Variants in DDAH1 observed in about 807,000 individuals in gnomAD.
DDAH1 encodes dimethylarginine dimethylaminohydrolase 1, also known as N(G),N(G)-dimethylarginine dimethylaminohydrolase 1.
In DDAH1, 19 loss-of-function variants were observed where a neutral mutation model predicts 28.8. The ratio of observed to expected loss-of-function variants is 0.66; its 90% confidence interval spans 0.46 to 0.97. The LOEUF (loss-of-function observed/expected upper bound fraction) is 0.97, where lower values mean the gene tolerates loss of function less well. Ranked by LOEUF, DDAH1 falls within the 50% of genes least tolerant of loss-of-function variation. The pLI is 0.00. For synonymous variants in DDAH1, 153 were observed against 154.4 expected, an observed-to-expected ratio of 0.99 and a Z score of 0.07; for missense variants, 326 against 375.9, an observed-to-expected ratio of 0.87 and a Z score of 1.10.
rs537574630 is a variant in DDAH1, at chr1:85,498,666, C to G, written c.-122-2385G>C. Among the ~76,000 whole-genome samples the G allele has an allele frequency of 9.3e-4, 142 of 152,142 alleles. 1 individual carries two copies. The highest frequency in any genetic ancestry group is 1.7e-3 in the Non-Finnish European group (113 of 68,036). ...CTGTGTGGTGGCTCATGCCTATAAT[C>G]CCAGCACTTTGAGAGGCTGAGGTGG... On this transcript the variant is annotated intron_variant, in intron 1 of 6. Transcript: ENST00000426972.
chr1:85,481,365 TG>T (rs1434954224), intron 2 of DDAH1, among the ~76,000 whole-genome samples: 1 of 152,194 alleles, frequency 6.6e-6, no homozygotes. Flanking sequence ...CCCACAGTGT[TG>T]GGACTACAGA....
chr1:85,431,694 G>A (rs550258747), intron 1 of DDAH1, among the ~76,000 whole-genome samples: 1 of 152,086 alleles, frequency 6.6e-6, no homozygotes, highest in Non-Finnish European at 1.5e-5. Context: ...ACCCTATTAG[G>A]AGGCTCTTGA....
At chr1:85,324,997 G>A (rs2100788194) in intron 4 of DDAH1, 114 bp from the exon 5 acceptor site, 1 of 1,255,798 alleles carries the variant, frequency 8.0e-7, no homozygotes. Flanking sequence ...CTGTTCCTCT[G>A]TTCAAATTCC....
intron 1 of DDAH1, among the ~76,000 whole-genome samples, chr1:85,539,303 T>C (rs1262464309): frequency 6.6e-6 from 1 of 152,138 alleles, no homozygotes; most frequent in Admixed American, 6.5e-5. Flanking sequence ...CCCGCCACCA[T>C]ACTCAGCTAA....
chr1:85,574,768 A>G (rs1659550292), intron 1 of DDAH1, among the ~76,000 whole-genome samples: 1 of 152,196 alleles, frequency 6.6e-6, no homozygotes, highest in African/African-American at 2.4e-5. Context: ...TAATTAGTCC[A>G]GGCGCTATGG....
intron 1 of DDAH1, among the ~76,000 whole-genome samples, chr1:85,374,381 C>A (rs775905688): frequency 3.4e-4 from 52 of 152,288 alleles, no homozygotes; most frequent in Non-Finnish European, 5.7e-4. Flanking sequence ...GTAGCACTTT[C>A]TTGGCTTCCT....
chr1:85,331,195 A>T (rs1225889713), intron 4 of DDAH1, among the ~76,000 whole-genome samples: 3 of 152,204 alleles, frequency 2.0e-5, no homozygotes, highest in Non-Finnish European at 2.9e-5. Flanking sequence ...GAATTTTCTC[A>T]TCCAAACGAC....
intron 4 of DDAH1, among the ~76,000 whole-genome samples, chr1:85,346,765 T>G (rs1648873242): frequency 6.6e-6 from 1 of 152,088 alleles, no homozygotes; most frequent in Admixed American, 6.6e-5. Context: ...ATTGCCCCAT[T>G]AGATCTAATT....
In DDAH1 at chr1:85,351,495, C is replaced by A; in HGVS notation, c.477+11G>T. On this transcript the variant is annotated intron_variant, in intron 3 of 5. Transcript: ENST00000284031. ...TTGCTTTGTGCCAGGCATAAACTAC[C>A]TTTTACCTACCTTAAAAGTATCAGC... is the stretch of plus-strand genomic sequence containing the variant. 6.2e-7 allele frequency: 1 copy of A among 1,612,352 alleles called. No individual in the cohort carries two copies. The highest frequency in any genetic ancestry group is 1.1e-5 in the South Asian group (1 of 91,040).
rs1397811024 is a variant in DDAH1, at chr1:85,321,221, G to A, written c.*231C>T. ...CACATTTTGATAATTCATTAGCTCT[G>A]TATCTTCTAGGTTGCTTAATTCATT... On this transcript the variant is annotated 3_prime_UTR_variant, in exon 6 of 6. Transcript: ENST00000284031. 4 of 452,960 alleles carry A rather than the reference G, an allele frequency of 8.8e-6. No homozygotes were observed. The highest frequency in any genetic ancestry group is 8.0e-5 in the African/African-American group (4 of 49,894). 28.1% of individuals were successfully genotyped at this position (452,960 alleles called of 1,614,324 possible).
intron 1 of DDAH1, among the ~76,000 whole-genome samples, chr1:85,504,648 G>C (rs934561844): frequency 6.6e-6 from 1 of 152,136 alleles, no homozygotes; most frequent in African/African-American, 2.4e-5. Flanking sequence ...GAACAACACT[G>C]AGACAGTGAT....
chr1:85,357,241 C>T (rs1355811057), intron 2 of DDAH1, among the ~76,000 whole-genome samples: 1 of 152,136 alleles, frequency 6.6e-6, no homozygotes, highest in Non-Finnish European at 1.5e-5. Flanking sequence ...ACTCCTTGTT[C>T]TGTGTTCTTA....
At chr1:85,372,187 A>G (rs990161176) in intron 1 of DDAH1, among the ~76,000 whole-genome samples, 10 of 152,136 alleles carry the variant, frequency 6.6e-5, no homozygotes, top group African/African-American at 2.4e-4. Context: ...ACCCTTTGTC[A>G]TATGTTCATA....
chr1:85,440,688 T>C (rs1305727626), intron 1 of DDAH1, among the ~76,000 whole-genome samples: 4 of 152,216 alleles, frequency 2.6e-5, no homozygotes, highest in African/African-American at 4.8e-5. Flanking sequence ...AGTTTCCTTT[T>C]TCCAATCCGG....
At chr1:85,551,962 A>G (rs776031018) in intron 1 of DDAH1, among the ~76,000 whole-genome samples, 6 of 152,172 alleles carry the variant, frequency 3.9e-5, no homozygotes, top group Non-Finnish European at 8.8e-5. Flanking sequence ...TTTGAAGTGG[A>G]CTTGGGAAAT....
intron 1 of DDAH1, among the ~76,000 whole-genome samples, chr1:85,445,972 T>C (rs1183604093): frequency 6.6e-6 from 1 of 152,182 alleles, no homozygotes; most frequent in East Asian, 1.9e-4. Context: ...GACCACTTGT[T>C]AGAATGGCAA....
intron 1 of DDAH1, among the ~76,000 whole-genome samples, chr1:85,430,787 T>C (rs1477069104): frequency 2.6e-5 from 4 of 152,176 alleles, no homozygotes; most frequent in African/African-American, 4.8e-5. Flanking sequence ...TAGGGAGATA[T>C]TGGGCTGAGA....
chr1:85,572,769 T>A lies in DDAH1; in HGVS notation c.-123+5215A>T, dbSNP rs535010770. Among the ~76,000 whole-genome samples the A allele has an allele frequency of 3.9e-5, 6 of 152,330 alleles. No individual in the cohort carries two copies. The South Asian group carries it at 1.2e-3, about 32-fold the overall frequency. Reference sequence around the variant, plus strand: ...GAGCTGGTGCAATCCTATCATCTCATAGATGAGGAAACCAAAGCAAAACAT... The same window carrying A: ...GAGCTGGTGCAATCCTATCATCTCAAAGATGAGGAAACCAAAGCAAAACAT... On this transcript the variant is annotated intron_variant, in intron 1 of 6. Coordinates refer to the DDAH1 transcript ENST00000426972.
chr1:85,328,135 G>T (rs1647526964), intron 4 of DDAH1, among the ~76,000 whole-genome samples: 1 of 152,144 alleles, frequency 6.6e-6, no homozygotes, highest in Non-Finnish European at 1.5e-5. Context: ...AGGTTTGTCT[G>T]TTTTTCAAAG....
Sources: allele counts gnomAD v4.1 joint callset (sites outside exome capture counted in the v4.1 genomes callset), GRCh38; gene constraint gnomAD v4.1.1; transcripts MANE v1.5; gene names NCBI Gene and HGNC (gene_info 2026-07-23, HGNC 2026-07-21).